ZNF217: variants seen among roughly 807,000 people sequenced by gnomAD.
ZNF217 encodes the protein zinc finger protein 217.
In ZNF217, 12 loss-of-function variants were observed where a neutral mutation model predicts 73.3. The ratio of observed to expected loss-of-function variants is 0.16; its 90% CI spans 0.10 to 0.27. The LOEUF (loss-of-function observed/expected upper bound fraction) is 0.27, where lower values mean the gene tolerates loss of function less well. ZNF217 is among the 10% of genes least tolerant of loss of function. The probability of loss-of-function intolerance (pLI) is 1.00; values close to 1 mark genes in which losing one functional copy is unlikely to be tolerated. For synonymous variants in ZNF217, 588 were observed against 516.4 expected (o/e 1.14, Z -1.88); for missense variants, 1,195 against 1,327.8 (o/e 0.90, Z 1.55).
chr20:53,575,746 T>A lies in ZNF217; in HGVS notation c.3018A>T (p.Ala1006=). 1 of 1,590,662 alleles carries A rather than the reference T, an allele frequency of 6.3e-7. No individual in the cohort carries two copies. The highest frequency in any genetic ancestry group is 8.6e-7 in the Non-Finnish European group (1 of 1,168,492). The change falls in exon 4 of 6, where the codon GCA becomes GCT. Residue 1006 remains alanine, a synonymous_variant. Coordinates refer to ENST00000371471, the MANE Select transcript of ZNF217 (RefSeq NM_006526.3). ...LYTCVPAGSP[A]SSSTLEGKRP... is the part of the protein sequence containing the mutation. ...CAATACCTTCTAACGTCGAGCTGGA[T>A]GCTGGACTACCAGCAGGCACACAAG... is the stretch of plus-strand genomic sequence containing the variant.
upstream of ZNF217, among the ~76,000 whole-genome samples, chr20:53,596,752 C>A (rs1014004178): frequency 2.6e-5 from 4 of 151,918 alleles, no homozygotes; most frequent in South Asian, 6.2e-4. Flanking sequence ...TCACTCCCTG[C>A]GTAGGCCATC....
intron 1 of ZNF217, among the ~76,000 whole-genome samples, chr20:53,591,267 G>T (rs975788830): frequency 2.6e-5 from 4 of 152,200 alleles, no homozygotes; most frequent in Non-Finnish European, 1.5e-5. Context: ...AAAGTGTTGT[G>T]AAGACAAAAG....
Position 53,577,160 on chromosome 20 carries a change from T to C in ZNF217, c.1604A>G (p.Asn535Ser). ...KQTDVAAEVK[N>S]DGKNQDTEDA... is the part of the protein sequence containing the mutation. ...TTCAGTGTCCTGATTTTTACCATCG[T>C]TCTTGACTTCAGCAGCAACATCGGT... is the stretch of plus-strand genomic sequence containing the variant. Residue 535 changes from asparagine to serine, a missense_variant, in exon 4 of 6, where the codon AAC becomes AGC. By Grantham distance (46) the Asn-to-Ser change is conservative. Coordinates refer to ENST00000371471, the MANE Select transcript of ZNF217 (RefSeq NM_006526.3). 3 of 1,614,032 alleles carry C rather than the reference T, an allele frequency of 1.9e-6. No homozygotes were observed. The highest frequency in any genetic ancestry group is 2.5e-6 in the Non-Finnish European group (3 of 1,180,046).
rs769218873 is a variant in ZNF217, at chr20:53,577,141, G to C, written c.1623C>G (p.Asp541Glu). ...AEVKNDGKNQDTEDALLTADS... is the reference protein window; with the variant it reads ...AEVKNDGKNQETEDALLTADS... ...CAGCGGTTAATAGTGCATCTTCAGT[G>C]TCCTGATTTTTACCATCGTTCTTGA... Residue 541 changes from aspartate (D) to glutamate (E), a missense_variant, in exon 4 of 6, where the codon GAC becomes GAG. By Grantham distance (45) the Asp-to-Glu change is conservative (BLOSUM62 2). Around this residue, in one of 9 missense-constraint regions of ZNF217, gnomAD observed 649 missense variants for 642.8 expected, o/e 1.01. Transcript: ENST00000371471. 6.2e-7 allele frequency: 1 copy of C among 1,614,002 alleles called. No homozygotes were observed. The highest frequency in any genetic ancestry group is 1.3e-5 in the African/African-American group (1 of 74,914).
intron 2 of ZNF217, among the ~76,000 whole-genome samples, chr20:53,580,374 T>C (rs1456278556): frequency 6.6e-6 from 1 of 152,208 alleles, no homozygotes; most frequent in East Asian, 1.9e-4. Flanking sequence ...GAGGACCACT[T>C]TGACAGATGC....
Position 53,576,151 on chromosome 20 carries a change from G to A in ZNF217, c.2613C>T (p.Pro871=), listed in dbSNP as rs35556360. 14 of 1,614,226 alleles carry A rather than the reference G, an allele frequency of 8.7e-6. No individual in the cohort carries two copies. The highest frequency in any genetic ancestry group is 4.4e-5 in the South Asian group (4 of 91,078). ...CATTGATGTTACTGCTGCCGAGGGT[G>A]GGCTGAGAAGGAGCTACTGGAAGAG... The part of the protein sequence containing the change: ...LKPLPVAPSQ[P]TLGSSNINGS... Residue 871 remains proline (P), a synonymous_variant, in exon 4 of 6, where the codon CCC becomes CCT. Coordinates refer to ENST00000371471, the MANE Select transcript of ZNF217 (RefSeq NM_006526.3).
chr20:53,592,704 G>C (rs1404264371), intron 1 of ZNF217, among the ~76,000 whole-genome samples: 5 of 151,898 alleles, frequency 3.3e-5, no homozygotes, highest in African/African-American at 1.2e-4. Context: ...CAGCCTCCCG[G>C]GCCCCCAGCA....
At chr20:53,585,947 C>T (rs922504198) in intron 1 of ZNF217, among the ~76,000 whole-genome samples, 1 of 152,098 alleles carries the variant, frequency 6.6e-6, no homozygotes, top group Non-Finnish European at 1.5e-5. Context: ...CAATTGTGAC[C>T]AACTGTCCTA....
chr20:53,594,256 G>A (rs2145990838), upstream of ZNF217, among the ~76,000 whole-genome samples: 1 of 151,862 alleles, frequency 6.6e-6, no homozygotes, highest in East Asian at 2.0e-4. Context: ...GGGACTGTTG[G>A]GTCAGAAAGT....
At chr20:53,572,385 G>T (rs1348009886) in intron 4 of ZNF217, among the ~76,000 whole-genome samples, 1 of 151,886 alleles carries the variant, frequency 6.6e-6, no homozygotes, top group Non-Finnish European at 1.5e-5. Context: ...CTGCACTCCA[G>T]CCTGGGCAAC....
chr20:53,588,025 G>A (rs564429474), intron 1 of ZNF217, among the ~76,000 whole-genome samples: 4 of 152,238 alleles, frequency 2.6e-5, no homozygotes, highest in African/African-American at 9.6e-5. Context: ...GAAAGAAAAA[G>A]ATTGGAATAT....
upstream of ZNF217, among the ~76,000 whole-genome samples, chr20:53,594,222 G>T (rs1412251943): frequency 2.6e-5 from 4 of 151,712 alleles, no homozygotes; most frequent in Non-Finnish European, 5.9e-5. Context: ...TAGAGCCGCC[G>T]GGGCGCGGCG....
chr20:53,573,978 G>A (rs1988130345), intron 4 of ZNF217, among the ~76,000 whole-genome samples: 1 of 151,792 alleles, frequency 6.6e-6, no homozygotes, highest in Non-Finnish European at 1.5e-5. Context: ...GCTGAGGTAG[G>A]AGAACTGCTT....
chr20:53,589,881 G>T (rs1328846810), intron 1 of ZNF217, among the ~76,000 whole-genome samples: 1 of 150,514 alleles, frequency 6.6e-6, no homozygotes, highest in Non-Finnish European at 1.5e-5. Flanking sequence ...TTCCATGTGC[G>T]TTTAAATTTT....
rs1312808371 is a variant in ZNF217, at chr20:53,582,568, G to C, written c.259C>G (p.Gln87Glu). 1.2e-6 allele frequency: 2 copies of C among 1,614,094 alleles called. No individual in the cohort carries two copies. The highest frequency in any genetic ancestry group is 1.7e-6 in the Non-Finnish European group (2 of 1,180,050). Residue 87 changes from glutamine to glutamate, a missense_variant, in exon 2 of 6, where the codon CAA becomes GAA. Physicochemically the swap from Gln to Glu is conservative, Grantham distance 29. Transcript: ENST00000371471. The surrounding 1 kb of genome is among the most constrained non-coding windows in gnomAD (Gnocchi z 4.8). ...SEDLNKHVLM[Q>E]HRPTLCEPAV... is the part of the protein sequence containing the mutation. ...GGTTCACAGAGGGTAGGCCGGTGTT[G>C]CATTAAGACATGTTTATTAAGGTCT...
chr20:53,579,989 T>C (rs1228383870), intron 2 of ZNF217, among the ~76,000 whole-genome samples: 2 of 152,244 alleles, frequency 1.3e-5, no homozygotes, highest in Non-Finnish European at 2.9e-5. Flanking sequence ...TTTTCATTTC[T>C]TTCAGGGAAC....
At chr20:53,572,268 G>A (rs1040656531) in intron 4 of ZNF217, among the ~76,000 whole-genome samples, 6 of 152,086 alleles carry the variant, frequency 3.9e-5, no homozygotes, top group African/African-American at 1.4e-4. Flanking sequence ...AGCTGGGTAT[G>A]GTGACATGCA....
At position 53,567,963 on chromosome 20, in the gene ZNF217, C is replaced by T. The variant is rs2766671; in HGVS notation, c.*1325G>A. ...ATTTTGTGGTCACTAAGCCCATGTACTAATAAACTCAGCCATGGACAGCAT... is the reference window on the plus strand; with the variant it reads ...ATTTTGTGGTCACTAAGCCCATGTATTAATAAACTCAGCCATGGACAGCAT... On this transcript the variant is annotated 3_prime_UTR_variant, in exon 6 of 6. Coordinates refer to ENST00000371471, the MANE Select transcript of ZNF217 (RefSeq NM_006526.3). 0.086 allele frequency: 13,138 copies of T among 152,556 alleles called. 748 individuals are homozygous for T. Among genetic ancestry groups the T allele is most frequent in the Non-Finnish European group, 0.13 (8,701 of 67,988 alleles). 9.5% of individuals were successfully genotyped at this position (152,556 alleles called of 1,614,324 possible). A position where few individuals can be genotyped will look rare whatever the true frequency, so the allele number is the denominator to read the frequency against.
At position 53,581,847 on chromosome 20, in the gene ZNF217, G is replaced by A. The variant is rs769990227; in HGVS notation, c.980C>T (p.Ser327Leu). ...GQEGSTDNDD[S>L]SSEKELGETN... ...TTCTCCAAGCTCCTTCTCGGAACTC[G>A]AATCGTCGTTGTCGGTGCTCCCTTC... Residue 327 changes from serine (S) to leucine (L), a missense_variant, in exon 2 of 6, where the codon TCG becomes TTG. Coordinates refer to ENST00000371471, the MANE Select transcript of ZNF217 (RefSeq NM_006526.3). This position sits in a 1 kb window ranked among gnomAD's most constrained non-coding sequence, Gnocchi z 4.9. The A allele has an allele frequency of 5.6e-6, 9 of 1,614,082 alleles. No individual in the cohort carries two copies. Among genetic ancestry groups the A allele is most frequent in the Admixed American group, 5.0e-5 (3 of 60,012 alleles).
Sources: gnomAD v4.1 joint callset for allele counts (sites outside exome capture counted in the v4.1 genomes callset) on GRCh38, gnomAD v4.1.1 for gene constraint, gnomAD v4.1.1 regional missense constraint, Gnocchi (gnomAD v3.1) non-coding constraint, MANE v1.5 for transcripts, NCBI Gene and HGNC (gene_info 2026-07-23, HGNC 2026-07-21) for gene names.